The following CCSER1 variants were observed in gnomAD, a reference collection of about 807,000 sequenced individuals.
The protein encoded by CCSER1 is coiled-coil serine rich protein 1, also known as serine-rich coiled-coil domain-containing protein 1.
CCSER1 carries 41 observed loss-of-function variants against 82.0 expected under a neutral mutation model. The observed-to-expected ratio is 0.50, with a 90% confidence interval of 0.39 to 0.65. CCSER1 has a LOEUF of 0.65. Ranked by LOEUF, CCSER1 falls within the 30% of genes least tolerant of loss-of-function variation. CCSER1 has a pLI of 0.00. For synonymous variants in CCSER1, 414 were observed against 383.9 expected (o/e 1.08, Z -0.92); for missense variants, 1,119 against 1,064.2 (o/e 1.05, Z -0.72).
intron 5 of CCSER1, among the ~76,000 whole-genome samples, chr4:90,581,045 G>A (rs1781365458): frequency 6.6e-6 from 1 of 152,008 alleles, no homozygotes; most frequent in African/African-American, 2.4e-5. Flanking sequence ...AAAACTGCTT[G>A]AATTTCTAAT....
chr4:90,161,211 G>A (rs1254685092), intron 1 of CCSER1, among the ~76,000 whole-genome samples: 2 of 151,940 alleles, frequency 1.3e-5, no homozygotes, highest in Non-Finnish European at 2.9e-5. Context: ...ATGATCTTTG[G>A]TTGGATTCTT....
intron 3 of CCSER1, among the ~76,000 whole-genome samples, chr4:90,375,269 G>A (rs184290595): frequency 7.2e-4 from 110 of 152,234 alleles, no homozygotes; most frequent in African/African-American, 2.1e-3. Context: ...CAAAATGGGC[G>A]GTACATCGGG....
At chr4:90,502,901 C>T (rs1770130087) in intron 5 of CCSER1, among the ~76,000 whole-genome samples, 1 of 152,038 alleles carries the variant, frequency 6.6e-6, no homozygotes, top group Non-Finnish European at 1.5e-5. Context: ...GGTGTTTTCT[C>T]AAGTGAAACC....
intron 10 of CCSER1, among the ~76,000 whole-genome samples, chr4:91,165,515 A>T (rs1301003406): frequency 6.6e-6 from 1 of 152,182 alleles, no homozygotes; most frequent in African/African-American, 2.4e-5. Context: ...CCTCTTGTTC[A>T]GCCATGCCCT....
intron 4 of CCSER1, among the ~76,000 whole-genome samples, chr4:90,458,374 G>A (rs1370466613): frequency 1.3e-5 from 2 of 149,968 alleles, no homozygotes; most frequent in East Asian, 3.9e-4. Context: ...TTTTTTTTGA[G>A]ATGGAATCTT....
At chr4:90,408,212 G>A (rs923112073) in intron 4 of CCSER1, among the ~76,000 whole-genome samples, 1 of 152,178 alleles carries the variant, frequency 6.6e-6, no homozygotes, top group Non-Finnish European at 1.5e-5. Flanking sequence ...TGGGGGCAGG[G>A]CACAGACAAA....
chr4:90,871,345 A>G (rs1021466429), intron 8 of CCSER1, among the ~76,000 whole-genome samples: 9 of 151,782 alleles, frequency 5.9e-5, no homozygotes, highest in African/African-American at 1.9e-4. Context: ...CTTGCGCTGT[A>G]TCCCATAGAT....
At chr4:91,149,273 A>T (rs1264241970) in intron 10 of CCSER1, among the ~76,000 whole-genome samples, 1 of 152,190 alleles carries the variant, frequency 6.6e-6, no homozygotes, top group Non-Finnish European at 1.5e-5. Flanking sequence ...GGCTGCATAA[A>T]TGTCTTCTTT....
chr4:90,602,480 A>G (rs1784141855), intron 5 of CCSER1, among the ~76,000 whole-genome samples: 1 of 152,122 alleles, frequency 6.6e-6, no homozygotes, highest in African/African-American at 2.4e-5. Context: ...TGCCTTCAAG[A>G]TGGGCTGTCT....
chr4:90,211,328 T>G (rs1350676370), intron 1 of CCSER1, among the ~76,000 whole-genome samples: 1 of 152,240 alleles, frequency 6.6e-6, no homozygotes, highest in African/African-American at 2.4e-5. Flanking sequence ...TCATTGTCTC[T>G]TGCTTCAGAG....
chr4:90,611,054 C>CTTTT (rs1785410828), intron 5 of CCSER1, among the ~76,000 whole-genome samples: 2 of 75,056 alleles, frequency 2.7e-5, no homozygotes, highest in African/African-American at 1.8e-4. Context: ...ATTTTCTTTT[C>CTTTT]TTTTCTTTTT....
intron 5 of CCSER1, among the ~76,000 whole-genome samples, chr4:90,505,046 C>T (rs1316714280): frequency 6.6e-6 from 1 of 152,196 alleles, no homozygotes; most frequent in East Asian, 1.9e-4. Flanking sequence ...GTCAACACAA[C>T]AGGAGACATC....
chr4:91,184,315 G>A (rs945917573), intron 10 of CCSER1, among the ~76,000 whole-genome samples: 6 of 152,194 alleles, frequency 3.9e-5, no homozygotes, highest in African/African-American at 1.4e-4. Context: ...GTTGTTTACT[G>A]CAGGAATTGT....
At chr4:91,429,706 TG>T (rs1253300988) in intron 10 of CCSER1, among the ~76,000 whole-genome samples, 3 of 151,938 alleles carry the variant, frequency 2.0e-5, no homozygotes, top group Non-Finnish European at 4.4e-5. Context: ...TAAATTAACC[TG>T]TCTTACACTC....
intron 10 of CCSER1, among the ~76,000 whole-genome samples, chr4:91,106,208 TATTC>T (rs1188744046): frequency 6.6e-6 from 1 of 152,238 alleles, no homozygotes; most frequent in African/African-American, 2.4e-5. Flanking sequence ...ACTTTACACA[TATTC>T]AATCATTTAA....
At chr4:91,354,967 C>G (rs557675758) in intron 10 of CCSER1, among the ~76,000 whole-genome samples, 3 of 152,266 alleles carry the variant, frequency 2.0e-5, no homozygotes, top group African/African-American at 7.2e-5. Flanking sequence ...ACACTAGGAT[C>G]TAGTCCTTTT....
intron 10 of CCSER1, among the ~76,000 whole-genome samples, chr4:91,367,064 T>G (rs145298844): frequency 7.5e-6 from 1 of 133,860 alleles, no homozygotes; most frequent in Non-Finnish European, 1.5e-5. Context: ...GAGGCTGAGG[T>G]GGGTGGATTG....
At chr4:90,772,990 T>C (rs969046355) in intron 7 of CCSER1, among the ~76,000 whole-genome samples, 3 of 152,152 alleles carry the variant, frequency 2.0e-5, no homozygotes, top group African/African-American at 7.2e-5. Context: ...CCTGTAATCC[T>C]AGCACTTTGG....
intron 1 of CCSER1, among the ~76,000 whole-genome samples, chr4:90,178,088 T>A (rs531765986): frequency 6.9e-4 from 105 of 152,256 alleles, no homozygotes; most frequent in African/African-American, 2.3e-3. Context: ...AGGCATTGCA[T>A]TGATTGCCTA....
Sources: gnomAD v4.1 joint callset for allele counts (sites outside exome capture counted in the v4.1 genomes callset) on GRCh38, gnomAD v4.1.1 for gene constraint, MANE v1.5 for transcripts, NCBI Gene and HGNC (gene_info 2026-07-23, HGNC 2026-07-21) for gene names.